Variants in CNIH3 observed in about 807,000 individuals in gnomAD.
The protein encoded by CNIH3 is protein cornichon homolog 3.
Under a neutral mutation model 24.1 loss-of-function variants are expected in CNIH3, and 14 were observed. That is an observed-to-expected ratio of 0.58 (90% confidence interval 0.38 to 0.91). The LOEUF (loss-of-function observed/expected upper bound fraction) is 0.91. CNIH3 is among the 40% of genes least tolerant of loss of function. CNIH3 has a pLI of 0.00. For synonymous variants in CNIH3, 68 were observed against 73.8 expected, an observed-to-expected ratio of 0.92 and a Z score of 0.40; for missense variants, 178 against 196.8, an observed-to-expected ratio of 0.90 and a Z score of 0.57.
chr1:224,500,437 C>T (rs1338141068), intron 1 of CNIH3, among the ~76,000 whole-genome samples: 4 of 152,042 alleles, frequency 2.6e-5, no homozygotes, highest in Non-Finnish European at 2.9e-5. Flanking sequence ...TTTGGGAGGC[C>T]GAGGCAGGCA....
At chr1:224,736,899 G>C (rs1689618228) in intron 5 of CNIH3, among the ~76,000 whole-genome samples, 1 of 152,230 alleles carries the variant, frequency 6.6e-6, no homozygotes, top group African/African-American at 2.4e-5. Flanking sequence ...TGCCACCTTG[G>C]AGGTTAGGTT....
chr1:224,654,390 C>T (rs992994840), intron 1 of CNIH3, among the ~76,000 whole-genome samples: 6 of 151,954 alleles, frequency 3.9e-5, no homozygotes, highest in Admixed American at 6.6e-5. Context: ...TCAACAACAA[C>T]GAAAAAAAGA....
At chr1:224,576,090 G>A (rs1270398239) in intron 4 of CNIH3, among the ~76,000 whole-genome samples, 3 of 152,126 alleles carry the variant, frequency 2.0e-5, no homozygotes, top group African/African-American at 7.2e-5. Flanking sequence ...TTATGGGAGA[G>A]GAAATCCATA....
intron 1 of CNIH3, among the ~76,000 whole-genome samples, chr1:224,446,375 C>A (rs1675167218): frequency 2.0e-5 from 3 of 152,074 alleles, no homozygotes; most frequent in Admixed American, 2.0e-4. Context: ...ATCTTTATAA[C>A]ATTGAATCTT....
rs1675785056 is a variant in CNIH3, at chr1:224,458,767, G to C, written n.203+23905G>C. Among the ~76,000 whole-genome samples, 1 of 152,150 alleles carries C rather than the reference G, an allele frequency of 6.6e-6. No homozygotes were observed. The highest frequency in any genetic ancestry group is 1.5e-5 in the Non-Finnish European group (1 of 68,022). On this transcript the variant is annotated intron_variant and non_coding_transcript_variant, in intron 1 of 5. Transcript: ENST00000471578. The surrounding 1 kb of genome is among the most constrained non-coding windows in gnomAD (Gnocchi z 4.3). ...ATCACCATGGGTATCAGACACACTGGGTAGCTGAGTGCTCAGAGGAAGATG... is the reference window on the plus strand; with the variant it reads ...ATCACCATGGGTATCAGACACACTGCGTAGCTGAGTGCTCAGAGGAAGATG...
At chr1:224,564,410 T>C (rs1680497424) in intron 3 of CNIH3, among the ~76,000 whole-genome samples, 1 of 152,258 alleles carries the variant, frequency 6.6e-6, no homozygotes, top group African/African-American at 2.4e-5. Flanking sequence ...GGACCGTCTC[T>C]GGACAGAAGA....
intron 1 of CNIH3, among the ~76,000 whole-genome samples, chr1:224,626,744 G>T (rs1474325783): frequency 6.6e-6 from 1 of 152,160 alleles, no homozygotes; most frequent in East Asian, 1.9e-4. Flanking sequence ...TACCTCTCCA[G>T]CCGGTCTCCC....
intron 1 of CNIH3, among the ~76,000 whole-genome samples, chr1:224,483,392 T>G (rs80112597): frequency 6.9e-6 from 1 of 145,822 alleles, no homozygotes; most frequent in African/African-American, 2.5e-5. Flanking sequence ...CTCACCTGAT[T>G]TTTTTTTTTT....
chr1:224,528,316 C>A (rs764849247), intron 2 of CNIH3, among the ~76,000 whole-genome samples: 14 of 151,996 alleles, frequency 9.2e-5, no homozygotes, highest in Admixed American at 2.0e-4. Context: ...ATTTTATTTA[C>A]TTATTTATTT....
chr1:224,625,828 G>A (rs1156400815), intron 1 of CNIH3, among the ~76,000 whole-genome samples: 1 of 152,226 alleles, frequency 6.6e-6, no homozygotes, highest in African/African-American at 2.4e-5. Context: ...ATGCCCAAAA[G>A]CAGAGGATGA....
chr1:224,697,259 C>T (rs765226120), intron 3 of CNIH3, among the ~76,000 whole-genome samples: 22 of 152,166 alleles, frequency 1.4e-4, no homozygotes, highest in African/African-American at 9.7e-5. Context: ...CTTGGCTGTA[C>T]GCCGAAATTG....
upstream of CNIH3, among the ~76,000 whole-genome samples, chr1:224,515,527 C>G (rs1026956371): frequency 3.3e-5 from 5 of 152,172 alleles, no homozygotes; most frequent in African/African-American, 9.7e-5. Context: ...TTTTGGCTGG[C>G]CTGTGAGATC....
chr1:224,598,824 A>C (rs187196878), intron 3 of CNIH3, among the ~76,000 whole-genome samples: 2 of 152,356 alleles, frequency 1.3e-5, no homozygotes, highest in East Asian at 1.9e-4. Context: ...TGAATGGACC[A>C]CAGTATAGTA....
At chr1:224,518,928 TTAG>T (rs1377954255) in intron 1 of CNIH3, among the ~76,000 whole-genome samples, 2 of 152,210 alleles carry the variant, frequency 1.3e-5, no homozygotes, top group African/African-American at 4.8e-5. Flanking sequence ...GTTCAATCTC[TTAG>T]TGGTACCAAT....
intron 1 of CNIH3, among the ~76,000 whole-genome samples, chr1:224,656,715 G>T (rs1257656836): frequency 1.3e-5 from 2 of 152,124 alleles, no homozygotes; most frequent in African/African-American, 4.8e-5. Context: ...CAGCCTGTTG[G>T]GATTTCCAGG....
chr1:224,719,456 G>A (rs1012884595), intron 3 of CNIH3, among the ~76,000 whole-genome samples: 33 of 152,290 alleles, frequency 2.2e-4, no homozygotes, highest in Admixed American at 1.2e-3. Context: ...TTTCAAAGGA[G>A]TTTAATTGCT....
At chr1:224,533,552 C>T (rs1311367327) in intron 2 of CNIH3, among the ~76,000 whole-genome samples, 3 of 152,136 alleles carry the variant, frequency 2.0e-5, no homozygotes, top group African/African-American at 7.2e-5. Flanking sequence ...AGTCTGTCAT[C>T]GAGGTGTTAG....
At chr1:224,571,738 GA>G (rs1387764521) in intron 4 of CNIH3, among the ~76,000 whole-genome samples, 1 of 151,900 alleles carries the variant, frequency 6.6e-6, no homozygotes, top group Non-Finnish European at 1.5e-5. Flanking sequence ...AACAAACAAA[GA>G]AAAAAACCCC....
chr1:224,475,562 AT>A (rs1676556206), intron 1 of CNIH3, among the ~76,000 whole-genome samples: 1 of 152,172 alleles, frequency 6.6e-6, no homozygotes, highest in African/African-American at 2.4e-5. Context: ...GAACAGGCAA[AT>A]AACAAGTGAT....
Sources: allele counts gnomAD v4.1 joint callset (sites outside exome capture counted in the v4.1 genomes callset), GRCh38; gene constraint gnomAD v4.1.1; non-coding constraint Gnocchi (gnomAD v3.1); transcripts MANE v1.5; gene names NCBI Gene and HGNC (gene_info 2026-07-23, HGNC 2026-07-21).